The following COL7A1 variants were observed in gnomAD, a reference collection of about 807,000 sequenced individuals.
COL7A1 encodes collagen type VII alpha 1 chain.
A neutral mutation model predicts 456.2 loss-of-function variants in COL7A1; 296 were observed. The observed-to-expected ratio is 0.65, with a 90% CI of 0.59 to 0.71. The LOEUF is 0.71. COL7A1 is among the 30% of genes least tolerant of loss of function. The probability of loss-of-function intolerance (pLI) is 0.00; values close to 1 mark genes in which losing one functional copy is unlikely to be tolerated. For missense variants in COL7A1, 3,441 were observed against 4,017.2 expected, an observed-to-expected ratio of 0.86 and a Z score of 3.88; for synonymous variants, 1,464 against 1,525.9, an observed-to-expected ratio of 0.96 and a Z score of 0.95.
Position 48,592,120 on chromosome 3 carries a change from A to G in COL7A1, c.1222T>C (p.Ser408Pro). 6.2e-7 allele frequency: 1 copy of G among 1,614,104 alleles called. No individual in the cohort carries two copies. Among genetic ancestry groups the G allele is most frequent in the South Asian group, 1.1e-5 (1 of 91,084 alleles). The change falls in exon 10 of 119, where the codon TCC becomes CCC. Residue 408 changes from serine to proline, a missense_variant. By Grantham distance (74) the Ser-to-Pro change is moderately conservative. This residue lies in a region of COL7A1 where 913 missense variants were observed against 1,088.2 expected (regional missense o/e 0.84). Transcript: ENST00000681320. This position sits in a 1 kb window ranked among gnomAD's most constrained non-coding sequence, Gnocchi z 7.6. ...TTCTCACCAGTGCGAGCCATCAGGG[A>G]AGTGGCGGGCCCCACACTGCGGCCA... is the stretch of plus-strand genomic sequence containing the variant. ...LFGRSVGPAT[S>P]LMARTDASVE...
In COL7A1 at chr3:48,580,805, T is replaced by C. The variant is rs1049230411; in HGVS notation, c.4980+77A>G. On this transcript the variant is annotated intron_variant, in intron 54 of 118. Coordinates refer to ENST00000681320, the MANE Select transcript of COL7A1 (RefSeq NM_000094.4). The surrounding 1 kb of genome is among the most constrained non-coding windows in gnomAD (Gnocchi z 4.5). ...TCCCTGCAGGGACTCCCATCACCCC[T>C]TACCCCCCTCAGCCTTTCCTATCAC... 115 of 1,594,630 alleles carry C rather than the reference T, an allele frequency of 7.2e-5. No homozygotes were observed. The highest frequency in any genetic ancestry group is 9.6e-5 in the Non-Finnish European group (112 of 1,162,894).
In COL7A1 at chr3:48,569,831, AG is replaced by A; in HGVS notation, c.7521+48del. 1 of 1,614,134 alleles carries A rather than the reference AG, an allele frequency of 6.2e-7. No homozygotes were observed. The highest frequency in any genetic ancestry group is 1.1e-5 in the South Asian group (1 of 91,088). On this transcript the variant is annotated intron_variant, in intron 100 of 118. Transcript: ENST00000681320. This position sits in a 1 kb window ranked among gnomAD's most constrained non-coding sequence, Gnocchi z 4.9. ...CGCACCTGAATTCTAATATCATACA[AG>A]ATCCACTCACCCCCCCACTCATGCC...
At position 48,566,868 on chromosome 3, in the gene COL7A1, A is replaced by G. The variant is rs756244154; in HGVS notation, c.8226+39T>C. 1.9e-6 allele frequency: 3 copies of G among 1,577,656 alleles called. No individual in the cohort carries two copies. In the East Asian group the frequency reaches 6.8e-5, roughly 36 times the overall value. On this transcript the variant is annotated intron_variant, in intron 111 of 118. Transcript: ENST00000681320. This position sits in a 1 kb window ranked among gnomAD's most constrained non-coding sequence, Gnocchi z 5.9. Reference sequence around the variant, plus strand: ...TGGTTATGAGGTTGGAAGGGTAGGGAAGGTTCAGGGATCAGGAGTCAGAGC... The same window carrying G: ...TGGTTATGAGGTTGGAAGGGTAGGGGAGGTTCAGGGATCAGGAGTCAGAGC...
chr3:48,567,975 A>G lies in COL7A1; in HGVS notation c.7876-84T>C. 6.2e-7 allele frequency: 1 copy of G among 1,602,174 alleles called. No homozygotes were observed. Among genetic ancestry groups the G allele is most frequent in the Non-Finnish European group, 8.5e-7 (1 of 1,169,714 alleles). ...TCACCCTGAAACTAACTCTCCAAAC[A>G]GGCCTCAGCTACTCCAACCTCTGAC... On this transcript the variant is annotated intron_variant, in intron 106 of 118. Transcript: ENST00000681320. The surrounding 1 kb of genome is among the most constrained non-coding windows in gnomAD (Gnocchi z 4.3).
At chr3:48,589,233 A>C in intron 18 of COL7A1, 94 bp downstream of exon 18, 1 of 1,580,076 alleles carries the variant, frequency 6.3e-7, no homozygotes, top group Non-Finnish European at 8.7e-7. Context: ...ACAGTCACTG[A>C]GCAGGGGGGT....
In COL7A1 at chr3:48,583,917, C is replaced by A; in HGVS notation, c.4261G>T (p.Gly1421Trp). 6.2e-7 allele frequency: 1 copy of A among 1,613,962 alleles called. No homozygotes were observed. The highest frequency in any genetic ancestry group is 8.5e-7 in the Non-Finnish European group (1 of 1,179,982). The change falls in exon 39 of 119, where the codon GGG becomes TGG. Residue 1421 changes from glycine to tryptophan, a missense_variant. Gly to Trp is a radical substitution (Grantham distance 184). This residue lies in a region of COL7A1 where 2,084 missense variants were observed against 2,501.3 expected (regional missense o/e 0.83). Transcript: ENST00000681320. This position sits in a 1 kb window ranked among gnomAD's most constrained non-coding sequence, Gnocchi z 5.1. ...PGPGEGGIAP[G>W]EPGLPGLPGS... ...CCCCTCACCGGCAGCCCAGGCTCCC[C>A]AGGAGCAATGCCACCTTCACCTGGT...
Position 48,573,731 on chromosome 3 carries a change from G to A in COL7A1, c.6538-6C>T. On this transcript the variant is annotated splice_polypyrimidine_tract_variant and splice_region_variant and intron_variant, in intron 81 of 118. Coordinates refer to ENST00000681320, the MANE Select transcript of COL7A1 (RefSeq NM_000094.4). The surrounding 1 kb of genome is among the most constrained non-coding windows in gnomAD (Gnocchi z 5.5). ...CCAGGGTCTCCATGACCACCCTGTTGTGGCGAAAAAGAGTCTGATGAGGGG... is the reference window on the plus strand; with the variant it reads ...CCAGGGTCTCCATGACCACCCTGTTATGGCGAAAAAGAGTCTGATGAGGGG... 6.2e-7 allele frequency: 1 copy of A among 1,613,638 alleles called. No individual in the cohort carries two copies. The highest frequency in any genetic ancestry group is 8.5e-7 in the Non-Finnish European group (1 of 1,179,810).
At position 48,565,090 on chromosome 3, in the gene COL7A1, G is replaced by GGGC. The variant is rs138595277; in HGVS notation, c.8620+18_8620+19insGCC. The stretch of plus-strand genomic sequence containing the variant: ...TGCCTGCCCCTCCCCAGACCCCGCT[G>GGGC]GCAGCCCCCCATTCTCACCATCACT... On this transcript the variant is annotated intron_variant, in intron 117 of 118. Coordinates refer to ENST00000681320, the MANE Select transcript of COL7A1 (RefSeq NM_000094.4). This position sits in a 1 kb window ranked among gnomAD's most constrained non-coding sequence, Gnocchi z 4.5. The GGGC allele has an allele frequency of 1, 1,613,506 of 1,613,598 alleles. 806,707 individuals are homozygous for GGGC. Among genetic ancestry groups the GGGC allele is most frequent in the Middle Eastern group, 1 (6,054 of 6,054 alleles).
rs745528903 is a variant in COL7A1 at position 48,587,001 on chromosome 3, G to A, written c.3247C>T (p.Leu1083Phe). The A allele has an allele frequency of 5.0e-6, 8 of 1,600,490 alleles. No homozygotes were observed. Among genetic ancestry groups the A allele is most frequent in the Middle Eastern group, 1.7e-4 (1 of 6,042 alleles). Residue 1083 changes from leucine to phenylalanine, a missense_variant, in exon 25 of 119, where the codon CTT becomes TTT. By Grantham distance (22) the Leu-to-Phe change is conservative. Transcript: ENST00000681320. The surrounding 1 kb of genome is among the most constrained non-coding windows in gnomAD (Gnocchi z 6.1). ...RRVLERLVLA[L>F]GPLGPQAVQV... is the part of the protein sequence containing the mutation. ...ACTGCCTGTGGCCCAAGAGGCCCAA[G>A]TGCCAACACCAGACGCTCCAGGACC...
In COL7A1 at chr3:48,590,834, G is replaced by A. The variant is rs2107782932; in HGVS notation, c.1637-18C>T. ...CTCAACCCCTAAGAGAGAAGTCAGG[G>A]TAGGTGGGCAGGGGTCAGAAAGAGA... On this transcript the variant is annotated intron_variant, in intron 13 of 118. Coordinates refer to ENST00000681320, the MANE Select transcript of COL7A1 (RefSeq NM_000094.4). This position sits in a 1 kb window ranked among gnomAD's most constrained non-coding sequence, Gnocchi z 4.6. The A allele has an allele frequency of 1.2e-6, 2 of 1,606,276 alleles. No homozygotes were observed. The highest frequency in any genetic ancestry group is 1.7e-6 in the Non-Finnish European group (2 of 1,176,884).
chr3:48,564,213 G>A lies in COL7A1; in HGVS notation c.*193C>T. The A allele has an allele frequency of 1.4e-6, 1 of 693,330 alleles. No individual in the cohort carries two copies. The highest frequency in any genetic ancestry group is 2.1e-5 in the Admixed American group (1 of 47,492). 42.9% of individuals were successfully genotyped at this position (693,330 alleles called of 1,614,324 possible). A position where few individuals can be genotyped will look rare whatever the true frequency, so the allele number is the denominator to read the frequency against. ...CCCACAGTGAGTCATCTGCCAGGGT[G>A]GCAGGAGCCACAATGGGGGTTTGTC... On this transcript the variant is annotated 3_prime_UTR_variant, in exon 119 of 119. Transcript: ENST00000681320. The surrounding 1 kb of genome is among the most constrained non-coding windows in gnomAD (Gnocchi z 6.0).
In COL7A1 at chr3:48,565,616, G is replaced by A. The variant is rs759699315; in HGVS notation, c.8440+20C>T. ...CAGGGCCTGGGGTGAAGAAAGTTCTGGGAGTAGAAAACTACTCACGTGATC... is the reference window on the plus strand; with the variant it reads ...CAGGGCCTGGGGTGAAGAAAGTTCTAGGAGTAGAAAACTACTCACGTGATC... On this transcript the variant is annotated intron_variant, in intron 115 of 118. Coordinates refer to ENST00000681320, the MANE Select transcript of COL7A1 (RefSeq NM_000094.4). The surrounding 1 kb of genome is among the most constrained non-coding windows in gnomAD (Gnocchi z 4.5). 1 of 1,614,092 alleles carries A rather than the reference G, an allele frequency of 6.2e-7. No homozygotes were observed. The highest frequency in any genetic ancestry group is 1.1e-5 in the South Asian group (1 of 91,054).
Position 48,590,246 on chromosome 3 carries a change from C to A in COL7A1, c.2017G>T (p.Glu673Ter). Reference protein sequence around the residue: ...VAVSVLRGREEGPAAVIVART... With the variant: ...VAVSVLRGRE The stretch of plus-strand genomic sequence containing the variant: ...GCCACGATGACTGCAGCAGGGCCCT[C>A]CTCTCTGCCTCGCAGTACCGACACA... The change falls in exon 16 of 119, where the codon GAG becomes TAG. Residue 673 changes from glutamate to a stop codon, truncating the protein, a stop_gained. Coordinates refer to ENST00000681320, the MANE Select transcript of COL7A1 (RefSeq NM_000094.4). LOFTEE classifies it high-confidence loss of function. This position sits in a 1 kb window ranked among gnomAD's most constrained non-coding sequence, Gnocchi z 4.6. 4.3e-6 allele frequency: 7 copies of A among 1,613,764 alleles called. No individual in the cohort carries two copies. Among genetic ancestry groups the A allele is most frequent in the Non-Finnish European group, 5.9e-6 (7 of 1,179,946 alleles).
chr3:48,578,372 G>A lies in COL7A1; in HGVS notation c.5488-7C>T, dbSNP rs755074889. ...CATCCTCGCCTGGCTTTCCCTGTGG[G>A]AACAGATCACTGGTTGGATGTCGGG... is the stretch of plus-strand genomic sequence containing the variant. On this transcript the variant is annotated splice_region_variant and splice_polypyrimidine_tract_variant and intron_variant, in intron 64 of 118. Transcript: ENST00000681320. The surrounding 1 kb of genome is among the most constrained non-coding windows in gnomAD (Gnocchi z 4.7). The A allele has an allele frequency of 6.2e-7, 1 of 1,613,398 alleles. No individual in the cohort carries two copies. Among genetic ancestry groups the A allele is most frequent in the Non-Finnish European group, 8.5e-7 (1 of 1,180,010 alleles).
chr3:48,565,689 T>A lies in COL7A1; in HGVS notation c.8408-21A>T, dbSNP rs1227552210. On this transcript the variant is annotated intron_variant, in intron 114 of 118. Transcript: ENST00000681320. The surrounding 1 kb of genome is among the most constrained non-coding windows in gnomAD (Gnocchi z 4.5). ...GCAGGCTAGAGGGGGCAGAGAGGGA[T>A]AGAGAGACAATGACAGAGAGAAGGA... 1 of 1,606,856 alleles carries A rather than the reference T, an allele frequency of 6.2e-7. No homozygotes were observed. The highest frequency in any genetic ancestry group is 2.2e-5 in the East Asian group (1 of 44,672).
Position 48,570,699 on chromosome 3 carries a change from G to A in COL7A1, c.7284C>T (p.Gly2428=), listed in dbSNP as rs768709709. The A allele has an allele frequency of 6.3e-7, 1 of 1,578,714 alleles. No homozygotes were observed. Among genetic ancestry groups the A allele is most frequent in the Non-Finnish European group, 8.6e-7 (1 of 1,161,428 alleles). Residue 2428 remains glycine (G), a synonymous_variant, in exon 96 of 119, where the codon GGC becomes GGT. Transcript: ENST00000681320. The surrounding 1 kb of genome is among the most constrained non-coding windows in gnomAD (Gnocchi z 5.5). The stretch of plus-strand genomic sequence containing the variant: ...CTGGGATTCCTTCTCTCCCTGGGGG[G>A]CCTGCCAGACCCTACCAGAAAAATG... ...PGPSGERGLA[G]PPGREGIPGP...
chr3:48,573,192 G>A lies in COL7A1; in HGVS notation c.6696C>T (p.Pro2232=), dbSNP rs61729223. Residue 2232 remains proline (P), a synonymous_variant, in exon 85 of 119, where the codon CCC becomes CCT. Coordinates refer to ENST00000681320, the MANE Select transcript of COL7A1 (RefSeq NM_000094.4). The surrounding 1 kb of genome is among the most constrained non-coding windows in gnomAD (Gnocchi z 5.5). ...PTGAVGLPGP[P]GPSGLVGPQG... is the part of the protein sequence containing the mutation. Reference sequence around the variant, plus strand: ...CACTCACCACAAGGCCTGAAGGGCCGGGGGGTCCAGGAAGTCCCACAGCTC... The same window carrying A: ...CACTCACCACAAGGCCTGAAGGGCCAGGGGGTCCAGGAAGTCCCACAGCTC... 1.5e-5 allele frequency: 24 copies of A among 1,614,020 alleles called. No homozygotes were observed. The highest frequency in any genetic ancestry group is 1.0e-4 in the Admixed American group (6 of 60,028).
chr3:48,570,592 G>C lies in COL7A1; in HGVS notation c.7344+47C>G. 1 of 1,612,636 alleles carries C rather than the reference G, an allele frequency of 6.2e-7. No individual in the cohort carries two copies. Among genetic ancestry groups the C allele is most frequent in the Non-Finnish European group, 8.5e-7 (1 of 1,179,246 alleles). ...GGCCCGCCCCATCCTAAGTCCTCAC[G>C]AGGACAGGAAATCAAATACGTGGGG... On this transcript the variant is annotated intron_variant, in intron 96 of 118. Coordinates refer to ENST00000681320, the MANE Select transcript of COL7A1 (RefSeq NM_000094.4). The surrounding 1 kb of genome is among the most constrained non-coding windows in gnomAD (Gnocchi z 5.5).
Position 48,574,115 on chromosome 3 carries a change from A to G in COL7A1, c.6501+147T>C. On this transcript the variant is annotated intron_variant, in intron 80 of 118. Coordinates refer to ENST00000681320, the MANE Select transcript of COL7A1 (RefSeq NM_000094.4). This position sits in a 1 kb window ranked among gnomAD's most constrained non-coding sequence, Gnocchi z 5.0. The stretch of plus-strand genomic sequence containing the variant: ...CAGGCACACACAGGCACACACAGAC[A>G]CAGGCACACACAAGCAGGCACACAC... The G allele has an allele frequency of 7.8e-6, 9 of 1,157,510 alleles. No homozygotes were observed. The highest frequency in any genetic ancestry group is 1.1e-5 in the Non-Finnish European group (9 of 784,614). 71.7% of individuals were successfully genotyped at this position (1,157,510 alleles called of 1,614,324 possible). A position where few individuals can be genotyped will look rare whatever the true frequency, so the allele number is the denominator to read the frequency against.
Sources: gnomAD v4.1 joint callset for allele counts on GRCh38, gnomAD v4.1.1 for gene constraint, gnomAD v4.1.1 regional missense constraint, Gnocchi (gnomAD v3.1) non-coding constraint, MANE v1.5 for transcripts, NCBI Gene and HGNC (gene_info 2026-07-23, HGNC 2026-07-21) for gene names.